The following NFASC variants were observed in gnomAD, a reference collection of about 807,000 sequenced individuals.
The protein encoded by NFASC is neurofascin, also known as neurofascin homolog.
Under a neutral mutation model 147.5 loss-of-function variants are expected in NFASC, and 43 were observed. The ratio of observed to expected loss-of-function variants is 0.29; its 90% CI spans 0.23 to 0.38. The LOEUF (loss-of-function observed/expected upper bound fraction) is 0.38, where lower values mean the gene tolerates loss of function less well. NFASC is among the 10% of genes least tolerant of loss of function. NFASC has a pLI of 1.00. For synonymous variants in NFASC, 622 were observed against 665.5 expected (o/e 0.93, Z 1.01); for missense variants, 1,320 against 1,689.0 (o/e 0.78, Z 3.83).
chr1:204,890,895 G>A (rs1446874729), intron 1 of NFASC, among the ~76,000 whole-genome samples: 1 of 152,190 alleles, frequency 6.6e-6, no homozygotes. Flanking sequence ...TAAGAAGTGG[G>A]TGGTAGAGGG....
intron 23 of NFASC, among the ~76,000 whole-genome samples, chr1:204,990,715 C>T (rs542107409): frequency 7.9e-5 from 12 of 152,280 alleles, no homozygotes; most frequent in African/African-American, 2.9e-4. Context: ...AAAGTTCCCG[C>T]CTTCCAAGGT....
At chr1:205,011,909 T>C (rs1269945695) in intron 28 of NFASC, among the ~76,000 whole-genome samples, 1 of 151,988 alleles carries the variant, frequency 6.6e-6, no homozygotes, top group East Asian at 1.9e-4. Context: ...TAAAACCTCG[T>C]CTCTACTAAA....
At chr1:204,926,773 A>G (rs1447111018) in intron 2 of NFASC, among the ~76,000 whole-genome samples, 1 of 151,912 alleles carries the variant, frequency 6.6e-6, no homozygotes, top group African/African-American at 2.4e-5. Flanking sequence ...AATATTTACT[A>G]TATAAATTAT....
chr1:204,927,447 T>G (rs1252186119), intron 2 of NFASC, among the ~76,000 whole-genome samples: 1 of 151,954 alleles, frequency 6.6e-6, no homozygotes, highest in Non-Finnish European at 1.5e-5. Flanking sequence ...TACTGCATTT[T>G]GCTTATTCAT....
chr1:204,949,286 T>G (rs1247029880), intron 3 of NFASC, among the ~76,000 whole-genome samples: 1 of 152,174 alleles, frequency 6.6e-6, no homozygotes, highest in Non-Finnish European at 1.5e-5. Context: ...TTCCTGCACC[T>G]CTTGTTCTGA....
intron 2 of NFASC, among the ~76,000 whole-genome samples, chr1:204,923,715 C>A (rs140489093): frequency 0.012 from 1,812 of 151,876 alleles, 34 homozygotes; most frequent in African/African-American, 0.031. Flanking sequence ...GATTTCAGGC[C>A]CCTGAGGCAG....
chr1:204,967,016 ACT>A (rs964377000), intron 8 of NFASC, among the ~76,000 whole-genome samples: 1 of 151,336 alleles, frequency 6.6e-6, no homozygotes, highest in African/African-American at 2.4e-5. Context: ...GTTCCCCCGC[ACT>A]CTCTCCTCAC....
intron 2 of NFASC, among the ~76,000 whole-genome samples, chr1:204,935,362 C>T (rs563632431): frequency 6.6e-6 from 1 of 152,324 alleles, no homozygotes; most frequent in Admixed American, 6.5e-5. Context: ...CTGCATTTGA[C>T]AGAGACTCAG....
chr1:204,995,549 T>C (rs2095830130), intron 24 of NFASC, among the ~76,000 whole-genome samples: 1 of 152,028 alleles, frequency 6.6e-6, no homozygotes, highest in East Asian at 1.9e-4. Context: ...TTGGGGAGTA[T>C]AGCATTGTGA....
rs1432836181 is a variant in NFASC at position 204,968,652 on chromosome 1, C to G, written c.819-146C>G. 1.4e-6 allele frequency: 1 copy of G among 724,926 alleles called. No individual in the cohort carries two copies. The highest frequency in any genetic ancestry group is 2.7e-5 in the East Asian group (1 of 36,926). The allele number at this position is 724,926 out of a possible 1,614,324, so 44.9% of individuals were successfully genotyped here. On this transcript the variant is annotated intron_variant, in intron 9 of 29. Coordinates refer to ENST00000339876, the MANE Select transcript of NFASC (RefSeq NM_001005388.3). This position sits in a 1 kb window ranked among gnomAD's most constrained non-coding sequence, Gnocchi z 5.4. ...GCTCTCTGTGGCTGAGCATCCTCCT[C>G]TGCACAGGAAAGATCAGCTTTTAGA...
At chr1:204,888,192 G>A (rs1006441034) in intron 1 of NFASC, among the ~76,000 whole-genome samples, 1 of 152,138 alleles carries the variant, frequency 6.6e-6, no homozygotes, top group Non-Finnish European at 1.5e-5. Context: ...TTATCTGCTT[G>A]TATTTCTGTC....
chr1:204,871,033 C>A, intron 1 of NFASC: 1 of 1,289,784 alleles, frequency 7.8e-7, no homozygotes, highest in South Asian at 1.2e-5. Flanking sequence ...ACTGAGAAGA[C>A]GCTGGATGAA....
chr1:204,923,971 CT>C (rs2091027847), intron 2 of NFASC, among the ~76,000 whole-genome samples: 1 of 152,250 alleles, frequency 6.6e-6, no homozygotes, highest in Non-Finnish European at 1.5e-5. Flanking sequence ...CTGTGAGTTT[CT>C]AATAAGAGGA....
chr1:204,851,059 A>G (rs1223112792), intron 1 of NFASC, among the ~76,000 whole-genome samples: 2 of 152,222 alleles, frequency 1.3e-5, no homozygotes, highest in African/African-American at 4.8e-5. Flanking sequence ...AAAAAAAGTG[A>G]TAATTATATC....
Position 205,016,649 on chromosome 1 carries a change from G to A in NFASC, c.*110G>A. 1.3e-6 allele frequency: 1 copy of A among 784,682 alleles called. No homozygotes were observed. The highest frequency in any genetic ancestry group is 2.2e-6 in the Non-Finnish European group (1 of 454,250). The allele number at this position is 784,682 out of a possible 1,614,324, so 48.6% of individuals were successfully genotyped here. On this transcript the variant is annotated 3_prime_UTR_variant, in exon 30 of 30. Coordinates refer to ENST00000339876, the MANE Select transcript of NFASC (RefSeq NM_001005388.3). The surrounding 1 kb of genome is among the most constrained non-coding windows in gnomAD (Gnocchi z 5.1). ...GCCACCACCACCTTCAGTAACAAGG[G>A]TACGATATGGGGGTCTGCCAAGCTG...
chr1:204,829,381 C>T (rs575769122), intron 1 of NFASC, among the ~76,000 whole-genome samples: 1 of 152,052 alleles, frequency 6.6e-6, no homozygotes, highest in Non-Finnish European at 1.5e-5. Flanking sequence ...CCTTCTCCCC[C>T]CTTTGGCTGT....
At chr1:205,012,985 T>A in intron 29 of NFASC, 119 bp downstream of exon 29, 1 of 737,900 alleles carries the variant, frequency 1.4e-6, no homozygotes. Flanking sequence ...CCTTGCCCAT[T>A]GGGCTGTGAC....
At chr1:204,961,176 G>T (rs561789032) in intron 8 of NFASC, among the ~76,000 whole-genome samples, 1 of 152,162 alleles carries the variant, frequency 6.6e-6, no homozygotes, top group Non-Finnish European at 1.5e-5. Context: ...GGACGCTGGC[G>T]TGATGATGTG....
chr1:204,877,059 T>C lies in NFASC; in HGVS notation c.-199-43573T>C, dbSNP rs954745163. On this transcript the variant is annotated intron_variant, in intron 1 of 29. Coordinates refer to ENST00000339876, the MANE Select transcript of NFASC (RefSeq NM_001005388.3). The stretch of plus-strand genomic sequence containing the variant: ...TATTTATATATATATAATATATTTA[T>C]TTATATATTTATATATATATAATAT... Among the ~76,000 whole-genome samples, 6 of 98,072 alleles carry C rather than the reference T, an allele frequency of 6.1e-5. 1 individual carries two copies. Among genetic ancestry groups the C allele is most frequent in the Admixed American group, 3.8e-4 (3 of 7,850 alleles). The allele number at this position is 98,072 out of a possible 152,430, so 64.3% of individuals were successfully genotyped here.
Sources: gnomAD v4.1 joint callset for allele counts (sites outside exome capture counted in the v4.1 genomes callset) on GRCh38, gnomAD v4.1.1 for gene constraint, Gnocchi (gnomAD v3.1) non-coding constraint, MANE v1.5 for transcripts, NCBI Gene and HGNC (gene_info 2026-07-23, HGNC 2026-07-21) for gene names.